The following NAV2 variants were observed in gnomAD, a reference collection of about 807,000 sequenced individuals.
NAV2 encodes helicase, APC down-regulated 1.
In NAV2, 54 loss-of-function variants were observed where a neutral mutation model predicts 223.2. The ratio of observed to expected loss-of-function variants is 0.24; its 90% CI spans 0.19 to 0.30. NAV2 has a LOEUF of 0.30. Ranked by LOEUF, NAV2 falls within the 10% of genes least tolerant of loss-of-function variation. The pLI is 1.00. For missense variants in NAV2, 2,806 were observed against 3,147.5 expected (o/e 0.89, Z 2.60); for synonymous variants, 1,279 against 1,239.3 (o/e 1.03, Z -0.67).
chr11:19,861,666 G>T (rs1379969891), intron 3 of NAV2, among the ~76,000 whole-genome samples: 1 of 152,234 alleles, frequency 6.6e-6, no homozygotes, highest in Non-Finnish European at 1.5e-5. Flanking sequence ...CCTAAAGCCT[G>T]TGTTACATCC....
chr11:19,705,182 C>G (rs1427244874), intron 1 of NAV2, among the ~76,000 whole-genome samples: 2 of 151,918 alleles, frequency 1.3e-5, no homozygotes, highest in Non-Finnish European at 2.9e-5. Flanking sequence ...GACAAACAAA[C>G]AAAACAAACC....
intron 2 of NAV2, among the ~76,000 whole-genome samples, chr11:19,836,563 C>CA (rs34706618): frequency 0.053 from 4,387 of 82,152 alleles, 243 homozygotes; most frequent in African/African-American, 0.14. Flanking sequence ...GACTCTGTCT[C>CA]AAAAAAAAAA....
At chr11:19,487,847 G>T (rs1330404960) in intron 1 of NAV2, among the ~76,000 whole-genome samples, 13 of 47,854 alleles carry the variant, frequency 2.7e-4, no homozygotes, top group Non-Finnish European at 4.2e-4. Flanking sequence ...ATTTCAGCCT[G>T]TAAGAGACCC....
At chr11:19,791,163 G>A (rs958106614) in intron 1 of NAV2, among the ~76,000 whole-genome samples, 2 of 152,160 alleles carry the variant, frequency 1.3e-5, no homozygotes, top group Non-Finnish European at 2.9e-5. Flanking sequence ...TTCTCGGCCA[G>A]GAACTGTGCC....
chr11:19,627,442 C>T (rs2047203671), intron 1 of NAV2, among the ~76,000 whole-genome samples: 3 of 151,768 alleles, frequency 2.0e-5, no homozygotes, highest in Admixed American at 2.0e-4. Flanking sequence ...GGTCTGTTGG[C>T]TTTGGGGTTG....
At chr11:19,387,828 GA>G (rs563800048) in intron 1 of NAV2, among the ~76,000 whole-genome samples, 2 of 151,814 alleles carry the variant, frequency 1.3e-5, no homozygotes, top group Non-Finnish European at 2.9e-5. Context: ...AGCATTTACA[GA>G]AAAAAAAGCA....
At chr11:19,677,087 A>G (rs1337087002) in intron 1 of NAV2, among the ~76,000 whole-genome samples, 1 of 152,156 alleles carries the variant, frequency 6.6e-6, no homozygotes, top group Non-Finnish European at 1.5e-5. Context: ...TGAAGTGGAG[A>G]ACTCCTTGTC....
At chr11:19,496,841 A>G (rs1436173134) in intron 1 of NAV2, among the ~76,000 whole-genome samples, 1 of 152,194 alleles carries the variant, frequency 6.6e-6, no homozygotes, top group Non-Finnish European at 1.5e-5. Context: ...CAAAAACAGA[A>G]ACAAAACAAA....
chr11:19,378,529 C>T lies in NAV2; in HGVS notation c.75+27502C>T, dbSNP rs576724632. 2.2e-4 allele frequency among the ~76,000 whole-genome samples: 34 copies of T among 151,704 alleles called. No individual in the cohort carries two copies. The Middle Eastern group carries it at 0.01, about 46-fold the overall frequency. On this transcript the variant is annotated intron_variant, in intron 1 of 37. Coordinates refer to the NAV2 transcript ENST00000360655. ...AGCGCGCACCCTTAATAAAGAGCGG[C>T]GCCTCACTATTTGTGGTGATAGGGC...
intron 3 of NAV2, among the ~76,000 whole-genome samples, chr11:19,860,044 G>A (rs2061633127): frequency 9.3e-6 from 1 of 107,492 alleles, no homozygotes; most frequent in East Asian, 2.8e-4. Context: ...GCGGGGGGCT[G>A]ACCCCCCCCA....
At chr11:20,043,669 T>C (rs1196021769) in intron 12 of NAV2, among the ~76,000 whole-genome samples, 6 of 152,128 alleles carry the variant, frequency 3.9e-5, no homozygotes, top group Non-Finnish European at 8.8e-5. Context: ...CTTAAACTTG[T>C]GGGATCAAGT....
Position 19,954,956 on chromosome 11 carries a change from TATATATACATATACACAC to T in NAV2, c.2645+5884_2645+5901del, listed in dbSNP as rs1187332234. ...ACATATATATATACATATATACATA[TATATATACATATACACAC>T]ATATATATATATATGGGATAGGAAA... On this transcript the variant is annotated intron_variant, in intron 10 of 37. Coordinates refer to ENST00000349880, the MANE Select transcript of NAV2 (RefSeq NM_145117.5). Among the ~76,000 whole-genome samples, 39 of 49,738 alleles carry T rather than the reference TATATATACATATACACAC, an allele frequency of 7.8e-4. 1 individual carries two copies. In the South Asian group the frequency reaches 0.032, roughly 41 times the overall value. The allele number at this position is 49,738 out of a possible 152,430, so 32.6% of individuals were successfully genotyped here. A position where few individuals can be genotyped will look rare whatever the true frequency, so the allele number is the denominator to read the frequency against.
intron 10 of NAV2, among the ~76,000 whole-genome samples, chr11:19,965,757 T>G (rs1206193281): frequency 1.3e-5 from 2 of 152,252 alleles, no homozygotes; most frequent in Non-Finnish European, 2.9e-5. Flanking sequence ...TGTAGCTTCT[T>G]GAAACTACCA....
At chr11:19,589,585 A>G (rs1198930154) in intron 1 of NAV2, among the ~76,000 whole-genome samples, 8 of 152,224 alleles carry the variant, frequency 5.3e-5, no homozygotes, top group Admixed American at 6.5e-5. Flanking sequence ...CCATATCCAC[A>G]ATAGCAAGAG....
At chr11:20,062,267 C>T (rs1378176912) in intron 19 of NAV2, 40 bp from the exon 20 acceptor site, 1 of 1,521,126 alleles carries the variant, frequency 6.6e-7, no homozygotes, top group Middle Eastern at 1.7e-4. Context: ...GGTTCCATAA[C>T]AGCCATCTAT....
intron 1 of NAV2, among the ~76,000 whole-genome samples, chr11:19,821,382 G>T (rs1277976793): frequency 6.6e-6 from 1 of 151,804 alleles, no homozygotes. Context: ...CTCCCAGCAC[G>T]TTCACCAGCC....
At chr11:20,103,488 C>A in intron 33 of NAV2, 79 bp downstream of exon 33, 3 of 1,552,480 alleles carry the variant, frequency 1.9e-6, no homozygotes, top group Non-Finnish European at 2.6e-6. Context: ...CACAGGTGGC[C>A]CGGGGCCGTT....
chr11:19,728,649 C>T (rs578146742), intron 1 of NAV2, among the ~76,000 whole-genome samples: 1 of 152,224 alleles, frequency 6.6e-6, no homozygotes, highest in Non-Finnish European at 1.5e-5. Flanking sequence ...CAGGGCTGCT[C>T]TCAGCACTAA....
Position 19,713,295 on chromosome 11 carries a change from C to T in NAV2, c.-401C>T, listed in dbSNP as rs2049996679. On this transcript the variant is annotated 5_prime_UTR_variant, in exon 1 of 38. Coordinates refer to ENST00000349880, the MANE Select transcript of NAV2 (RefSeq NM_145117.5). The surrounding 1 kb of genome is among the most constrained non-coding windows in gnomAD (Gnocchi z 7.2). ...TCGTGGGTCGCCGCCGCCTCTGTCT[C>T]TTCCAAAGGGGCCTCCTCACTTCGG... 3.9e-6 allele frequency: 4 copies of T among 1,027,492 alleles called. No individual in the cohort carries two copies. Among genetic ancestry groups the T allele is most frequent in the African/African-American group, 1.7e-5 (1 of 59,128 alleles). 63.6% of individuals were successfully genotyped at this position (1,027,492 alleles called of 1,614,324 possible).
Sources: allele counts gnomAD v4.1 joint callset (sites outside exome capture counted in the v4.1 genomes callset), GRCh38; gene constraint gnomAD v4.1.1; non-coding constraint Gnocchi (gnomAD v3.1); transcripts MANE v1.5; gene names NCBI Gene and HGNC (gene_info 2026-07-23, HGNC 2026-07-21).